Variants in C3orf20 observed in about 807,000 individuals in gnomAD.
C3orf20 encodes the protein family with sequence similarity 149 member C.
A neutral mutation model predicts 88.3 loss-of-function variants in C3orf20; 76 were observed. The ratio of observed to expected loss-of-function variants is 0.86; its 90% confidence interval spans 0.72 to 1.04. C3orf20 has a LOEUF of 1.04. Among genes scored for constraint, C3orf20 ranks in the 50% least tolerant of loss-of-function variants. C3orf20 has a pLI of 0.00. For missense variants in C3orf20, 1,056 were observed against 1,123.3 expected, an observed-to-expected ratio of 0.94 and a Z score of 0.86; for synonymous variants, 436 against 437.4, an observed-to-expected ratio of 1.00 and a Z score of 0.04.
chr3:14,711,666 C>T (rs1321164471), intron 7 of C3orf20, among the ~76,000 whole-genome samples: 5 of 112,468 alleles, frequency 4.4e-5, no homozygotes, highest in Non-Finnish European at 8.4e-5. Context: ...GACTGAGTCT[C>T]GCTCTATTGC....
At chr3:14,757,723 G>C in intron 13 of C3orf20, 49 bp downstream of exon 13, 2 of 1,550,370 alleles carry the variant, frequency 1.3e-6, no homozygotes, top group Non-Finnish European at 1.7e-6. Context: ...GGCAGGGGTA[G>C]TGGGGCAGTC....
At chr3:14,769,521 G>A (rs572907238) in intron 15 of C3orf20, among the ~76,000 whole-genome samples, 2 of 152,290 alleles carry the variant, frequency 1.3e-5, no homozygotes, top group African/African-American at 4.8e-5. Flanking sequence ...CACCTCAGAA[G>A]AGGCAGGAAG....
At chr3:14,753,768 A>G (rs538018491) in intron 12 of C3orf20, among the ~76,000 whole-genome samples, 2 of 152,336 alleles carry the variant, frequency 1.3e-5, no homozygotes, top group South Asian at 4.1e-4. Flanking sequence ...TTACTTCTCC[A>G]AACTACTTTT....
At chr3:14,716,742 T>C (rs1462423052) in intron 9 of C3orf20, among the ~76,000 whole-genome samples, 1 of 152,154 alleles carries the variant, frequency 6.6e-6, no homozygotes, top group Non-Finnish European at 1.5e-5. Context: ...GATTAGTCAT[T>C]TGGTAATTAA....
chr3:14,752,883 A>G (rs529690412), intron 12 of C3orf20, among the ~76,000 whole-genome samples: 2 of 152,188 alleles, frequency 1.3e-5, no homozygotes, highest in African/African-American at 2.4e-5. Flanking sequence ...CTTTTACACT[A>G]TTGGTGGGAG....
At chr3:14,692,080 C>G (rs1462984922) in intron 5 of C3orf20, among the ~76,000 whole-genome samples, 1 of 152,196 alleles carries the variant, frequency 6.6e-6, no homozygotes, top group African/African-American at 2.4e-5. Flanking sequence ...ATCTCATTCT[C>G]TTTTTATGGC....
At chr3:14,740,863 T>C (rs1043863862) in intron 12 of C3orf20, among the ~76,000 whole-genome samples, 3 of 152,222 alleles carry the variant, frequency 2.0e-5, no homozygotes, top group Non-Finnish European at 4.4e-5. Flanking sequence ...ATTTTTATTC[T>C]TATACTCTGC....
chr3:14,722,115 A>G (rs1376191613), intron 10 of C3orf20: 2 of 299,280 alleles, frequency 6.7e-6, no homozygotes, highest in Admixed American at 8.8e-5. Context: ...TGATTCCACC[A>G]GATCTTCGCA....
intron 10 of C3orf20, among the ~76,000 whole-genome samples, chr3:14,723,521 G>A (rs1426398885): frequency 1.3e-5 from 2 of 152,202 alleles, no homozygotes; most frequent in Non-Finnish European, 2.9e-5. Context: ...AATGGAAGAG[G>A]CAAAAGCATG....
At chr3:14,677,489 CT>C (rs369139448) in intron 1 of C3orf20, among the ~76,000 whole-genome samples, 1 of 151,876 alleles carries the variant, frequency 6.6e-6, no homozygotes, top group Admixed American at 6.6e-5. Flanking sequence ...ACTGGACATC[CT>C]TTTTTTTGTT....
intron 15 of C3orf20, among the ~76,000 whole-genome samples, chr3:14,766,805 G>T (rs2035722219): frequency 6.6e-6 from 1 of 152,212 alleles, no homozygotes; most frequent in African/African-American, 2.4e-5. Flanking sequence ...AGGTGAAGAG[G>T]TGGGGCGCCA....
chr3:14,682,623 T>C lies in C3orf20; in HGVS notation c.-91T>C, dbSNP rs1356083343. On this transcript the variant is annotated 5_prime_UTR_variant, in exon 3 of 17. Transcript: ENST00000253697. ...TGTAAGGGCCGTTTCAGCACATCCA[T>C]TCTGTCCATCTCCAAGCCTTCACCG... The C allele has an allele frequency of 2.0e-6, 3 of 1,490,570 alleles. No individual in the cohort carries two copies. The highest frequency in any genetic ancestry group is 2.8e-5 in the African/African-American group (2 of 71,480). The allele number at this position is 1,490,570 out of a possible 1,614,324, so 92.3% of individuals were successfully genotyped here.
rs527471632 is a variant in C3orf20 at position 14,755,186 on chromosome 3, T to C, written c.1941-2185T>C. On this transcript the variant is annotated intron_variant, in intron 12 of 16. Transcript: ENST00000253697. ...TGTTCTATGGCAGGAGTTTCAAATA[T>C]GTTTCTCGGTTTGTCATTTGTCTTT... Among the ~76,000 whole-genome samples the C allele has an allele frequency of 7.9e-5, 12 of 152,358 alleles. No homozygotes were observed. In the South Asian group the frequency reaches 2.5e-3, roughly 32 times the overall value.
rs1357509634 is a variant in C3orf20 at position 14,701,308 on chromosome 3, C to T, written c.746-1822C>T. 6.6e-6 allele frequency among the ~76,000 whole-genome samples: 1 copy of T among 152,178 alleles called. No homozygotes were observed. ...AAGGAGGGCTCCATTCTGAGGCCCT[C>T]AGGGTTTCAGTTAGAGCCTGAGAAA... is the stretch of plus-strand genomic sequence containing the variant. On this transcript the variant is annotated intron_variant, in intron 5 of 16. Coordinates refer to ENST00000253697, the MANE Select transcript of C3orf20 (RefSeq NM_032137.5). This position sits in a 1 kb window ranked among gnomAD's most constrained non-coding sequence, Gnocchi z 4.6.
At chr3:14,766,477 C>T (rs1457152378) in intron 15 of C3orf20, among the ~76,000 whole-genome samples, 1 of 152,212 alleles carries the variant, frequency 6.6e-6, no homozygotes. Context: ...GCCCAGAACA[C>T]ATGCAGAGCT....
chr3:14,759,469 G>A (rs879525684), intron 13 of C3orf20, among the ~76,000 whole-genome samples: 1 of 152,154 alleles, frequency 6.6e-6, no homozygotes, highest in Non-Finnish European at 1.5e-5. Context: ...CTTGCCAGGA[G>A]TGGGTAGGGA....
intron 15 of C3orf20, among the ~76,000 whole-genome samples, chr3:14,770,290 C>T (rs1256849248): frequency 3.9e-5 from 6 of 152,266 alleles, no homozygotes; most frequent in East Asian, 1.9e-4. Context: ...TGCAAAGAGG[C>T]GTTAATTTGC....
In C3orf20 at chr3:14,704,614, G is replaced by A. The variant is rs554491915; in HGVS notation, c.1156G>A (p.Val386Ile). ...CACCTTCTATGATGGCTCCTCCTTC[G>A]TTTAGTATCCTTTTATTTGGTACCA... ...HYTFYDGSSF[V>I]YYPSGNVAVC... The change falls in exon 7 of 17, where the codon GTT becomes ATT. Residue 386 changes from valine to isoleucine, a missense_variant. Coordinates refer to ENST00000253697, the MANE Select transcript of C3orf20 (RefSeq NM_032137.5). 1.1e-5 allele frequency: 18 copies of A among 1,612,762 alleles called. No individual in the cohort carries two copies. Among genetic ancestry groups the A allele is most frequent in the East Asian group, 4.5e-5 (2 of 44,882 alleles).
At position 14,682,966 on chromosome 3, in the gene C3orf20, T is replaced by A; in HGVS notation, c.253T>A (p.Phe85Ile). 1 of 1,614,142 alleles carries A rather than the reference T, an allele frequency of 6.2e-7. No individual in the cohort carries two copies. Among genetic ancestry groups the A allele is most frequent in the South Asian group, 1.1e-5 (1 of 91,082 alleles). ...CCTGGTGGTGCTCATGGAACCCACC[T>A]TTGTGCAGGTCCCCACACTGAAGAA... ...APLVVLMEPT[F>I]VQVPTLKKPL... The change falls in exon 3 of 17, where the codon TTT becomes ATT. Residue 85 changes from phenylalanine (F) to isoleucine (I), a missense_variant. Transcript: ENST00000253697.
Sources: gnomAD v4.1 joint callset for allele counts (sites outside exome capture counted in the v4.1 genomes callset) on GRCh38, gnomAD v4.1.1 for gene constraint, Gnocchi (gnomAD v3.1) non-coding constraint, MANE v1.5 for transcripts, NCBI Gene and HGNC (gene_info 2026-07-23, HGNC 2026-07-21) for gene names.